DCLK1: variants seen among roughly 807,000 people sequenced by gnomAD.
The protein encoded by DCLK1 is serine/threonine-protein kinase DCLK1.
Under a neutral mutation model 86.2 loss-of-function variants are expected in DCLK1, and 16 were observed. The ratio of observed to expected loss-of-function variants is 0.19; its 90% CI spans 0.13 to 0.28. DCLK1 has a LOEUF of 0.28. DCLK1 is among the 10% of genes least tolerant of loss of function. DCLK1 has a pLI of 1.00. For synonymous variants in DCLK1, 369 were observed against 370.5 expected (o/e 1.00, Z 0.05); for missense variants, 590 against 940.2 (o/e 0.63, Z 4.87).
At chr13:36,122,674 T>G (rs1360679168) in intron 2 of DCLK1, among the ~76,000 whole-genome samples, 1 of 152,214 alleles carries the variant, frequency 6.6e-6, no homozygotes, top group African/African-American at 2.4e-5. Flanking sequence ...GAAATAGGCC[T>G]GCAATTCAAC....
At chr13:36,049,248 A>G (rs2153156837) in intron 3 of DCLK1, among the ~76,000 whole-genome samples, 1 of 152,296 alleles carries the variant, frequency 6.6e-6, no homozygotes, top group South Asian at 2.1e-4. Context: ...GCACCTGACC[A>G]TATCAAGTAA....
intron 3 of DCLK1, among the ~76,000 whole-genome samples, chr13:36,005,126 C>G (rs1414849368): frequency 6.6e-6 from 1 of 152,066 alleles, no homozygotes; most frequent in Admixed American, 6.5e-5. Context: ...AAACTGCAGT[C>G]AAAAACCGCA....
chr13:35,942,663 G>A (rs1053848144), intron 4 of DCLK1, among the ~76,000 whole-genome samples: 1 of 152,160 alleles, frequency 6.6e-6, no homozygotes. Flanking sequence ...GTACCTTTTG[G>A]ACAGAGAAGA....
intron 4 of DCLK1, among the ~76,000 whole-genome samples, chr13:35,926,879 T>C (rs1876155290): frequency 1.3e-5 from 2 of 152,180 alleles, no homozygotes; most frequent in South Asian, 4.1e-4. Context: ...ATGACCCCCA[T>C]CTCCAGAGCT....
chr13:35,823,360 C>T (rs2087440634), intron 10 of DCLK1, among the ~76,000 whole-genome samples: 1 of 150,158 alleles, frequency 6.7e-6, no homozygotes, highest in Non-Finnish European at 1.5e-5. Context: ...AGGATGCACA[C>T]ACACACACAC....
At chr13:36,000,928 A>G (rs1298754190) in intron 3 of DCLK1, among the ~76,000 whole-genome samples, 1 of 151,754 alleles carries the variant, frequency 6.6e-6, no homozygotes, top group Non-Finnish European at 1.5e-5. Context: ...ACACATTGCT[A>G]TAAAAGTTGT....
At chr13:36,129,668 C>T (rs576859947) in intron 1 of DCLK1, among the ~76,000 whole-genome samples, 5 of 152,302 alleles carry the variant, frequency 3.3e-5, no homozygotes, top group South Asian at 2.1e-4. Flanking sequence ...AGGAAGGCTG[C>T]GAGAACACAC....
intron 3 of DCLK1, among the ~76,000 whole-genome samples, chr13:35,990,378 C>A (rs906591411): frequency 7.2e-5 from 11 of 152,210 alleles, no homozygotes; most frequent in African/African-American, 2.6e-4. Context: ...TCCTTTCTCC[C>A]AGAGGGGGCG....
intron 4 of DCLK1, among the ~76,000 whole-genome samples, chr13:35,918,258 T>C (rs1875553485): frequency 6.6e-6 from 1 of 152,206 alleles, no homozygotes; most frequent in Non-Finnish European, 1.5e-5. Context: ...GTTCTATAAA[T>C]TGCATCAAAG....
intron 6 of DCLK1, among the ~76,000 whole-genome samples, chr13:35,853,162 ACACCTT>A (rs1870779697): frequency 6.6e-6 from 1 of 152,224 alleles, no homozygotes; most frequent in Non-Finnish European, 1.5e-5. Flanking sequence ...AATGATTCCA[ACACCTT>A]AAAATTCCAA....
chr13:36,069,729 C>T (rs539178678), intron 3 of DCLK1, among the ~76,000 whole-genome samples: 2 of 152,150 alleles, frequency 1.3e-5, no homozygotes, highest in African/African-American at 4.8e-5. Context: ...TTTGGAATTG[C>T]CTCTAAATGT....
chr13:36,130,984 G>C (rs954203088), intron 1 of DCLK1, 130 bp downstream of exon 1: 9 of 151,258 alleles, frequency 6.0e-5, no homozygotes, highest in South Asian at 2.1e-4. Flanking sequence ...AACTGCGGGC[G>C]GGGCGGCGGG....
chr13:35,774,444 A>G lies in DCLK1; in HGVS notation c.*91T>C. 8 of 1,443,294 alleles carry G rather than the reference A, an allele frequency of 5.5e-6. No individual in the cohort carries two copies. Among genetic ancestry groups the G allele is most frequent in the Non-Finnish European group, 7.5e-6 (8 of 1,062,910 alleles). The allele number at this position is 1,443,294 out of a possible 1,614,324, so 89.4% of individuals were successfully genotyped here. ...GCCATTCAAGCATTGAGCGCTAGATAGATCAGATGAAACTGTTTTACACAA... is the reference window on the plus strand; with the variant it reads ...GCCATTCAAGCATTGAGCGCTAGATGGATCAGATGAAACTGTTTTACACAA... On this transcript the variant is annotated 3_prime_UTR_variant, in exon 17 of 17. Transcript: ENST00000360631.
intron 4 of DCLK1, among the ~76,000 whole-genome samples, chr13:35,946,929 A>G (rs1877416998): frequency 6.6e-6 from 1 of 152,218 alleles, no homozygotes; most frequent in East Asian, 1.9e-4. Flanking sequence ...CAGTATTTAA[A>G]GGAAAAAGGG....
intron 4 of DCLK1, among the ~76,000 whole-genome samples, chr13:35,895,360 C>T (rs1347453127): frequency 6.6e-6 from 1 of 151,476 alleles, no homozygotes; most frequent in Non-Finnish European, 1.5e-5. Flanking sequence ...CAGAATTATT[C>T]TTATTATACC....
chr13:35,768,756 C>T lies in DCLK1; in HGVS notation c.*5779G>A, dbSNP rs2086276762. 1 of 152,216 alleles carries T rather than the reference C, an allele frequency of 6.6e-6. No individual in the cohort carries two copies. Among genetic ancestry groups the T allele is most frequent in the African/African-American group, 2.4e-5 (1 of 41,456 alleles). 9.4% of individuals were successfully genotyped at this position (152,216 alleles called of 1,614,324 possible). A position where few individuals can be genotyped will look rare whatever the true frequency, so the allele number is the denominator to read the frequency against. ...GAAATAGCTGTTTTTGAATTATGCTCATGAAATACACACTGTGCTATGGAG... is the reference window on the plus strand; with the variant it reads ...GAAATAGCTGTTTTTGAATTATGCTTATGAAATACACACTGTGCTATGGAG... On this transcript the variant is annotated 3_prime_UTR_variant, in exon 17 of 17. Coordinates refer to ENST00000360631, the MANE Select transcript of DCLK1 (RefSeq NM_001330071.2).
chr13:35,869,435 T>C (rs758580230), intron 5 of DCLK1, among the ~76,000 whole-genome samples: 1 of 152,204 alleles, frequency 6.6e-6, no homozygotes, highest in African/African-American at 2.4e-5. Flanking sequence ...TGTTCATTGC[T>C]CTTTTGGTCT....
intron 1 of DCLK1, among the ~76,000 whole-genome samples, chr13:36,129,951 C>T (rs1056617316): frequency 6.6e-6 from 1 of 152,112 alleles, no homozygotes; most frequent in African/African-American, 2.4e-5. Context: ...AATTTACACA[C>T]ATATATACCA....
At chr13:36,065,519 T>C (rs1446965454) in intron 3 of DCLK1, among the ~76,000 whole-genome samples, 2 of 152,182 alleles carry the variant, frequency 1.3e-5, no homozygotes, top group Non-Finnish European at 2.9e-5. Context: ...TCCATCACAA[T>C]CTCCAGCATC....
Sources: gnomAD v4.1 joint callset for allele counts (sites outside exome capture counted in the v4.1 genomes callset) on GRCh38, gnomAD v4.1.1 for gene constraint, MANE v1.5 for transcripts, NCBI Gene and HGNC (gene_info 2026-07-23, HGNC 2026-07-21) for gene names.